LRRTM4: variants seen among roughly 807,000 people sequenced by gnomAD.
LRRTM4 encodes the protein leucine-rich repeat transmembrane neuronal protein 4.
A neutral mutation model predicts 47.6 loss-of-function variants in LRRTM4; 25 were observed. The ratio of observed to expected loss-of-function variants is 0.53; its 90% confidence interval spans 0.38 to 0.73. The LOEUF (loss-of-function observed/expected upper bound fraction) is 0.73, where lower values mean the gene tolerates loss of function less well. Ranked by LOEUF, LRRTM4 falls within the 30% of genes least tolerant of loss-of-function variation. The probability of loss-of-function intolerance (pLI) is 0.00; values close to 1 mark genes in which losing one functional copy is unlikely to be tolerated. For missense variants in LRRTM4, 638 were observed against 713.4 expected (o/e 0.89, Z 1.20); for synonymous variants, 311 against 269.5 (o/e 1.15, Z -1.51).
Position 77,292,859 on chromosome 2 carries a change from T to A in LRRTM4, c.1551+225459A>T, listed in dbSNP as rs1169029519. On this transcript the variant is annotated intron_variant, in intron 3 of 3. Coordinates refer to ENST00000409884, the MANE Select transcript of LRRTM4 (RefSeq NM_001134745.3). Reference sequence around the variant, plus strand: ...ACTTAAAGTATAATAATAATAAAATTAAAAATAAAATAAAATAAAAAATAA... The same window carrying A: ...ACTTAAAGTATAATAATAATAAAATAAAAAATAAAATAAAATAAAAAATAA... 1.2e-4 allele frequency among the ~76,000 whole-genome samples: 18 copies of A among 148,940 alleles called. No individual in the cohort carries two copies. The East Asian group carries it at 2.5e-3, about 21-fold the overall frequency.
chr2:77,460,686 T>C (rs1573445854), intron 3 of LRRTM4, among the ~76,000 whole-genome samples: 1 of 152,110 alleles, frequency 6.6e-6, no homozygotes, highest in Non-Finnish European at 1.5e-5. Context: ...GCTTGGAAAA[T>C]GATAATATTT....
intron 3 of LRRTM4, among the ~76,000 whole-genome samples, chr2:77,390,286 C>T (rs1184346695): frequency 1.3e-5 from 2 of 152,018 alleles, no homozygotes; most frequent in African/African-American, 4.8e-5. Flanking sequence ...AAGCAGTGGA[C>T]GGGCTTAGGT....
chr2:77,078,686 A>G (rs527791980), intron 3 of LRRTM4, among the ~76,000 whole-genome samples: 1 of 152,328 alleles, frequency 6.6e-6, no homozygotes, highest in South Asian at 2.1e-4. Context: ...AGTTTAGTAC[A>G]GTGACAAACC....
chr2:77,263,533 A>C (rs1371749696), intron 3 of LRRTM4, among the ~76,000 whole-genome samples: 1 of 152,056 alleles, frequency 6.6e-6, no homozygotes, highest in East Asian at 1.9e-4. Context: ...ATAGTTTCAA[A>C]ATTGAATTGA....
intron 3 of LRRTM4, among the ~76,000 whole-genome samples, chr2:76,988,980 CA>C (rs1209904486): frequency 2.0e-5 from 3 of 151,804 alleles, no homozygotes; most frequent in African/African-American, 7.3e-5. Context: ...CAGGTATTAT[CA>C]ATTATTATGA....
intron 3 of LRRTM4, among the ~76,000 whole-genome samples, chr2:77,461,602 A>AT (rs1403824441): frequency 1.3e-5 from 2 of 152,254 alleles, no homozygotes; most frequent in Admixed American, 1.3e-4. Context: ...TATTTTTGAG[A>AT]TTTTCAAAGT....
intron 3 of LRRTM4, among the ~76,000 whole-genome samples, chr2:76,846,421 T>C (rs1671839033): frequency 6.6e-6 from 1 of 152,094 alleles, no homozygotes; most frequent in Non-Finnish European, 1.5e-5. Flanking sequence ...ATCACAAACA[T>C]ATTATTAAAA....
chr2:77,002,496 T>C lies in LRRTM4; in HGVS notation c.1552-253580A>G, dbSNP rs1180876604. On this transcript the variant is annotated intron_variant, in intron 3 of 3. Coordinates refer to ENST00000409884, the MANE Select transcript of LRRTM4 (RefSeq NM_001134745.3). ...TTGCTGACTACCTAATCTGACACCA[T>C]TGTTAACTGGAAATACAACTATTTC... Among the ~76,000 whole-genome samples, 9 of 152,312 alleles carry C rather than the reference T, an allele frequency of 5.9e-5. 1 individual carries two copies. In the Middle Eastern group the frequency reaches 0.014, roughly 230 times the overall value.
intron 3 of LRRTM4, among the ~76,000 whole-genome samples, chr2:77,429,299 T>A (rs780691416): frequency 1.2e-4 from 19 of 152,140 alleles, no homozygotes; most frequent in Non-Finnish European, 2.4e-4. Flanking sequence ...AGGAAAATTA[T>A]CTAAGAATTA....
intron 3 of LRRTM4, among the ~76,000 whole-genome samples, chr2:77,407,870 T>C (rs1029260999): frequency 6.6e-6 from 1 of 151,170 alleles, no homozygotes; most frequent in Non-Finnish European, 1.5e-5. Flanking sequence ...GTTTGAACTT[T>C]TTCTCTTTGA....
chr2:76,767,643 A>T (rs112930649), intron 3 of LRRTM4, among the ~76,000 whole-genome samples: 387 of 152,316 alleles, frequency 2.5e-3, no homozygotes, highest in African/African-American at 8.9e-3. Context: ...ATTCAAGGCA[A>T]GTCTTGATGG....
intron 3 of LRRTM4, among the ~76,000 whole-genome samples, chr2:77,087,197 A>G (rs1680747554): frequency 6.6e-6 from 1 of 152,228 alleles, no homozygotes; most frequent in Non-Finnish European, 1.5e-5. Flanking sequence ...GAGAGTGGGC[A>G]TACATACACA....
chr2:76,752,289 T>A (rs957870), intron 3 of LRRTM4, among the ~76,000 whole-genome samples: 1 of 151,944 alleles, frequency 6.6e-6, no homozygotes, highest in Non-Finnish European at 1.5e-5. Flanking sequence ...TAGTGGGAGA[T>A]AACAATTTCA....
At position 76,795,689 on chromosome 2, in the gene LRRTM4, A is replaced by C. The variant is rs191076128; in HGVS notation, c.1552-46773T>G. Among the ~76,000 whole-genome samples the C allele has an allele frequency of 5.3e-5, 8 of 152,220 alleles. No individual in the cohort carries two copies. In the East Asian group the frequency reaches 1.6e-3, roughly 30 times the overall value. ...ATAACATTTCAATGAACATGATGGG[A>C]ATGTAGCTATATCTTCTACATACTG... On this transcript the variant is annotated intron_variant, in intron 3 of 3. Coordinates refer to ENST00000409884, the MANE Select transcript of LRRTM4 (RefSeq NM_001134745.3).
chr2:77,021,204 C>T (rs934854706), intron 3 of LRRTM4, among the ~76,000 whole-genome samples: 1 of 149,256 alleles, frequency 6.7e-6, no homozygotes, highest in African/African-American at 2.6e-5. Context: ...ATATATATAT[C>T]AGTGATGTAT....
chr2:77,295,807 C>T (rs1327117303), intron 3 of LRRTM4, among the ~76,000 whole-genome samples: 3 of 143,728 alleles, frequency 2.1e-5, no homozygotes, highest in Non-Finnish European at 4.4e-5. Context: ...TAGATGAGGG[C>T]CCACTCTAAT....
At chr2:77,016,897 G>C (rs932927686) in intron 3 of LRRTM4, among the ~76,000 whole-genome samples, 4 of 151,752 alleles carry the variant, frequency 2.6e-5, no homozygotes, top group Non-Finnish European at 5.9e-5. Context: ...TTTAATAAGG[G>C]AGACAGCCAG....
intron 3 of LRRTM4, among the ~76,000 whole-genome samples, chr2:77,033,422 G>C (rs1678729119): frequency 7.1e-6 from 1 of 140,772 alleles, no homozygotes; most frequent in Non-Finnish European, 1.5e-5. Context: ...AGCAATAAAT[G>C]CATAGTTTTT....
rs529730918 is a variant in LRRTM4, at chr2:77,444,046, G to A, written c.1551+74272C>T. On this transcript the variant is annotated intron_variant, in intron 3 of 3. Coordinates refer to ENST00000409884, the MANE Select transcript of LRRTM4 (RefSeq NM_001134745.3). ...GGAATTAAATTCAATGAAGAGATCC[G>A]TGTGAAGGCCTCTTAAACAGGTAAG... Among the ~76,000 whole-genome samples, 9 of 152,236 alleles carry A rather than the reference G, an allele frequency of 5.9e-5. No homozygotes were observed. The South Asian group carries it at 8.3e-4, about 14-fold the overall frequency.
Sources: gnomAD v4.1 joint callset for allele counts (sites outside exome capture counted in the v4.1 genomes callset) on GRCh38, gnomAD v4.1.1 for gene constraint, MANE v1.5 for transcripts, NCBI Gene and HGNC (gene_info 2026-07-23, HGNC 2026-07-21) for gene names.